The following TASOR variants were observed in gnomAD, a reference collection of about 807,000 sequenced individuals.
TASOR encodes the protein protein TASOR.
Under a neutral mutation model 178.6 loss-of-function variants are expected in TASOR, and 53 were observed. That is an observed-to-expected ratio of 0.30 (90% CI 0.24 to 0.37). The LOEUF (loss-of-function observed/expected upper bound fraction) is 0.37. Among genes scored for constraint, TASOR ranks in the 10% least tolerant of loss-of-function variants. The pLI is 1.00. For missense variants in TASOR, 1,815 were observed against 1,971.4 expected (o/e 0.92, Z 1.50); for synonymous variants, 713 against 696.2 (o/e 1.02, Z -0.38).
chr3:56,670,235 C>T, intron 3 of TASOR, 90 bp from the exon 4 acceptor site: 1 of 758,496 alleles, frequency 1.3e-6, no homozygotes, highest in Non-Finnish European at 2.1e-6. Context: ...TAAATAAAAA[C>T]AAAGCTTCTT....
intron 9 of TASOR, among the ~76,000 whole-genome samples, 197 bp downstream of exon 9, chr3:56,662,188 C>T (rs2077613041): frequency 6.6e-6 from 1 of 151,530 alleles, no homozygotes; most frequent in African/African-American, 2.4e-5. Flanking sequence ...AGCCTATCCT[C>T]AAATCAAGAC....
At chr3:56,631,381 A>T (rs1296304631) in intron 18 of TASOR, among the ~76,000 whole-genome samples, 4 of 152,148 alleles carry the variant, frequency 2.6e-5, no homozygotes, top group South Asian at 2.1e-4. Flanking sequence ...TCCATAAATG[A>T]GAGCAGGCAT....
chr3:56,623,236 G>T lies in TASOR; in HGVS notation c.4814C>A (p.Ser1605Tyr). The change falls in exon 24 of 24, where the codon TCC (serine) becomes TAC (tyrosine). Residue 1605 changes from serine (S) to tyrosine (Y), a missense_variant. Physicochemically the swap from Ser to Tyr is moderately radical, Grantham distance 144 (BLOSUM62 -2). Around this residue, in one of 5 missense-constraint regions of TASOR, gnomAD observed 278 missense variants for 257.1 expected, o/e 1.08. Coordinates refer to ENST00000683822, the MANE Select transcript of TASOR (RefSeq NM_001365635.2). ...FQVYHSQLNM[S>Y]HQFSHFNVLT... is the part of the protein sequence containing the mutation. ...AACATTAAAATGACTAAACTGATGGGACATATTTAATTGACTATGATAAAC... is the reference window on the plus strand; with the variant it reads ...AACATTAAAATGACTAAACTGATGGTACATATTTAATTGACTATGATAAAC... 1 of 1,613,270 alleles carries T rather than the reference G, an allele frequency of 6.2e-7. No individual in the cohort carries two copies.
chr3:56,670,165 C>G lies in TASOR; in HGVS notation c.571-20G>C. On this transcript the variant is annotated intron_variant, in intron 3 of 23. Coordinates refer to ENST00000683822, the MANE Select transcript of TASOR (RefSeq NM_001365635.2). ...TTGAACCTAAATTTAAAAAAAAATA[C>G]TTCATCTTGCAGTCATAACAACATT... The G allele has an allele frequency of 7.1e-7, 1 of 1,412,190 alleles. No individual in the cohort carries two copies. The highest frequency in any genetic ancestry group is 9.6e-7 in the Non-Finnish European group (1 of 1,043,226). The allele number at this position is 1,412,190 out of a possible 1,614,324, so 87.5% of individuals were successfully genotyped here.
intron 1 of TASOR, among the ~76,000 whole-genome samples, chr3:56,681,466 T>C (rs79001286): frequency 0.018 from 2,700 of 152,334 alleles, 40 homozygotes; most frequent in Non-Finnish European, 0.029. Context: ...CACCAAGTAT[T>C]TTCTTGGCTT....
chr3:56,649,107 C>A (rs186595892), intron 11 of TASOR, 50 bp from the exon 12 acceptor site: 1 of 1,382,456 alleles, frequency 7.2e-7, no homozygotes, highest in Admixed American at 2.3e-5. Context: ...TTATTATTCA[C>A]CATAAGGCAG....
rs562694402 is a variant in TASOR, at chr3:56,625,112, C to T, written c.4140-106G>A. 2.0e-5 allele frequency: 19 copies of T among 968,836 alleles called. No individual in the cohort carries two copies. In the East Asian group the frequency reaches 3.4e-4, roughly 18 times the overall value. The allele number at this position is 968,836 out of a possible 1,614,324, so 60.0% of individuals were successfully genotyped here. A position where few individuals can be genotyped will look rare whatever the true frequency, so the allele number is the denominator to read the frequency against. On this transcript the variant is annotated intron_variant, in intron 21 of 23. Coordinates refer to ENST00000683822, the MANE Select transcript of TASOR (RefSeq NM_001365635.2). ...ATTTCTCCACTGAGGCAACTAATGA[C>T]AACTGCACTGCTTTAGCTCTCTGCC...
chr3:56,621,624 G>GA lies in TASOR; in HGVS notation c.*1412dup, dbSNP rs1559803658. The stretch of plus-strand genomic sequence containing the variant: ...GTTTTGGTTCTTCATTTTAAATGTA[G>GA]AAAATCAAATCCTTCACATTTGATT... On this transcript the variant is annotated 3_prime_UTR_variant, in exon 24 of 24. Coordinates refer to ENST00000683822, the MANE Select transcript of TASOR (RefSeq NM_001365635.2). 1 of 1,578,822 alleles carries GA rather than the reference G, an allele frequency of 6.3e-7. No individual in the cohort carries two copies. Among genetic ancestry groups the GA allele is most frequent in the Non-Finnish European group, 8.6e-7 (1 of 1,156,962 alleles).
rs779224316 is a variant in TASOR, at chr3:56,633,346, C to T, written c.3445G>A (p.Glu1149Lys). Residue 1149 changes from glutamate (E) to lysine (K), a missense_variant, in exon 18 of 24, where the codon GAG becomes AAG. Physicochemically the swap from Glu to Lys is moderately conservative, Grantham distance 56. Around this residue, in one of 5 missense-constraint regions of TASOR, gnomAD observed 655 missense variants for 671.1 expected, o/e 0.98. Transcript: ENST00000683822. ...SDPLKDTNSD[E>K]QHSTSALTEV... Reference sequence around the variant, plus strand: ...GTTAAAGCCGAAGTGGAATGCTGCTCATCAGAGTTGGTATCTTTCAAAGGA... The same window carrying T: ...GTTAAAGCCGAAGTGGAATGCTGCTTATCAGAGTTGGTATCTTTCAAAGGA... 2.9e-5 allele frequency: 47 copies of T among 1,614,016 alleles called. No individual in the cohort carries two copies. The highest frequency in any genetic ancestry group is 4.0e-5 in the Non-Finnish European group (47 of 1,180,034).
chr3:56,624,561 T>C lies in TASOR; in HGVS notation c.4401A>G (p.Lys1467=), dbSNP rs1266179867. 12 of 1,614,152 alleles carry C rather than the reference T, an allele frequency of 7.4e-6. No individual in the cohort carries two copies. The highest frequency in any genetic ancestry group is 1.0e-5 in the Non-Finnish European group (12 of 1,180,000). ...ATAEDFMQNF[K]NLVGYHNSIT... is the part of the protein sequence containing the mutation. The stretch of plus-strand genomic sequence containing the variant: ...TTGAATTGTGATAGCCCACAAGATT[T>C]TTAAAGTTTTGCATGAAGTCTTCAG... Residue 1467 remains lysine (K), a synonymous_variant, in exon 23 of 24, where the codon AAA becomes AAG. Transcript: ENST00000683822.
At chr3:56,671,097 T>C (rs560344398) in intron 3 of TASOR, among the ~76,000 whole-genome samples, 1 of 151,672 alleles carries the variant, frequency 6.6e-6, no homozygotes, top group South Asian at 2.1e-4. Context: ...TCCCAGCACT[T>C]TGGGAGGCCG....
At chr3:56,667,957 A>C (rs1343328906) in intron 6 of TASOR, among the ~76,000 whole-genome samples, 1 of 152,238 alleles carries the variant, frequency 6.6e-6, no homozygotes, top group Non-Finnish European at 1.5e-5. Flanking sequence ...AAGATAGAAA[A>C]TACCTATCAA....
intron 14 of TASOR, among the ~76,000 whole-genome samples, chr3:56,643,414 G>C (rs2077168728): frequency 6.6e-6 from 1 of 151,952 alleles, no homozygotes; most frequent in Non-Finnish European, 1.5e-5. Flanking sequence ...TGGGTTAGGA[G>C]GTTACCTCAT....
intron 16 of TASOR, 118 bp downstream of exon 16, chr3:56,639,868 C>T: frequency 2.5e-6 from 2 of 790,840 alleles, no homozygotes; most frequent in South Asian, 2.0e-5. Context: ...GATGTCAGCA[C>T]CAATTAAGAT....
rs77943859 is a variant in TASOR at position 56,676,087 on chromosome 3, A to G, written c.332-2362T>C. Among the ~76,000 whole-genome samples, 4 of 152,382 alleles carry G rather than the reference A, an allele frequency of 2.6e-5. No individual in the cohort carries two copies. In the East Asian group the frequency reaches 7.7e-4, roughly 29 times the overall value. ...AAGACTACTCAACACAAAGTGTCCT[A>G]TAATCAAACTTGTAGCAGACGAATA... On this transcript the variant is annotated intron_variant, in intron 1 of 23. Transcript: ENST00000683822.
At position 56,640,012 on chromosome 3, in the gene TASOR, A is replaced by T. The variant is rs2077090597; in HGVS notation, c.2738T>A (p.Ile913Lys). The change falls in exon 16 of 24, where the codon ATA (isoleucine) becomes AAA (lysine). Residue 913 changes from isoleucine to lysine, a missense_variant. By Grantham distance (102) the Ile-to-Lys change is moderately radical. This residue lies in a region of TASOR where 655 missense variants were observed against 671.1 expected (regional missense o/e 0.98). Transcript: ENST00000683822. ...SKSNNVEETE[I>K]HWKLIPITGG... ...TGTAATTGGAATCAGTTTCCAATGTATTTCAGTCTCTTCAACATTATTTGA... is the reference window on the plus strand; with the variant it reads ...TGTAATTGGAATCAGTTTCCAATGTTTTTCAGTCTCTTCAACATTATTTGA... 1.9e-6 allele frequency: 3 copies of T among 1,611,226 alleles called. No homozygotes were observed. Among genetic ancestry groups the T allele is most frequent in the Non-Finnish European group, 2.5e-6 (3 of 1,179,060 alleles).
At chr3:56,667,243 A>G (rs1201537042) in intron 6 of TASOR, among the ~76,000 whole-genome samples, 1 of 152,246 alleles carries the variant, frequency 6.6e-6, no homozygotes, top group East Asian at 1.9e-4. Context: ...AATAGTTCTT[A>G]AAATTTTATT....
At chr3:56,642,950 T>G (rs180925757) in intron 14 of TASOR, among the ~76,000 whole-genome samples, 2 of 151,892 alleles carry the variant, frequency 1.3e-5, no homozygotes, top group Admixed American at 1.3e-4. Context: ...CACTCCAGCC[T>G]GGGCAACAGA....
chr3:56,678,047 A>T (rs1263724244), intron 1 of TASOR, among the ~76,000 whole-genome samples: 3 of 152,198 alleles, frequency 2.0e-5, no homozygotes, highest in African/African-American at 7.2e-5. Context: ...AAGGGCACTT[A>T]GAGATTTATA....
Sources: allele counts gnomAD v4.1 joint callset (sites outside exome capture counted in the v4.1 genomes callset), GRCh38; gene constraint gnomAD v4.1.1; regional missense constraint gnomAD v4.1.1; transcripts MANE v1.5; gene names NCBI Gene and HGNC (gene_info 2026-07-23, HGNC 2026-07-21).